The following MAGED1 variants were observed in gnomAD, a reference collection of about 807,000 sequenced individuals.
MAGED1 encodes melanoma-associated antigen D1.
In MAGED1, 3 loss-of-function variants were observed where a neutral mutation model predicts 54.1. That is an observed-to-expected ratio of 0.06 (90% CI 0.03 to 0.14). The LOEUF (loss-of-function observed/expected upper bound fraction) is 0.14. Ranked by LOEUF, MAGED1 falls within the 10% of genes least tolerant of loss-of-function variation. The pLI is 1.00. For missense variants in MAGED1, 485 were observed against 623.4 expected (o/e 0.78, Z 2.36); for synonymous variants, 217 against 227.3 (o/e 0.95, Z 0.41).
intron 1 of MAGED1, among the ~76,000 whole-genome samples, chrX:51,806,661 T>G (rs1557355118): frequency 8.9e-6 from 1 of 112,098 alleles, no homozygotes; most frequent in African/African-American, 3.2e-5. Flanking sequence ...TGGTGATATA[T>G]TCACACATTT....
At position 51,883,185 on chromosome X, in the gene MAGED1, T is replaced by C. The variant is rs1259978438; in HGVS notation, c.-36-11084T>C. Among the ~76,000 whole-genome samples, 3 of 111,179 alleles carry C rather than the reference T, an allele frequency of 2.7e-5. No individual in the cohort carries two copies. In the East Asian group the frequency reaches 8.5e-4, roughly 32 times the overall value. ...TCTAGTCCCCTCAGTTAGTAGAGAC[T>C]ATGTGGGGAGCCTAGATTTCCACCC... On this transcript the variant is annotated intron_variant, in intron 1 of 12. Coordinates refer to the MAGED1 transcript ENST00000375772.
At chrX:51,832,293 G>C (rs1385509247) in intron 1 of MAGED1, among the ~76,000 whole-genome samples, 1 of 111,684 alleles carries the variant, frequency 9.0e-6, no homozygotes, top group Admixed American at 9.5e-5. Context: ...GCCTCCCAAA[G>C]TCCTGGGATT....
intron 1 of MAGED1, chrX:51,857,729 T>G (rs146123764): frequency 1.8e-5 from 2 of 112,630 alleles, no homozygotes; most frequent in African/African-American, 3.2e-5. Flanking sequence ...ATCTGCAGAT[T>G]CATAGTGGAC....
At chrX:51,814,309 T>G (rs781804047) in intron 1 of MAGED1, among the ~76,000 whole-genome samples, 1 of 111,771 alleles carries the variant, frequency 8.9e-6, no homozygotes, top group East Asian at 2.8e-4. Context: ...CCGCTGCCGC[T>G]GCCACTGCCG....
intron 1 of MAGED1, among the ~76,000 whole-genome samples, chrX:51,864,606 T>G (rs1358212180): frequency 8.9e-6 from 1 of 111,872 alleles, no homozygotes; most frequent in Non-Finnish European, 1.9e-5. Flanking sequence ...CTTTTCAATT[T>G]ATTTGTGTCT....
chrX:51,880,974 G>A (rs1251569650), intron 1 of MAGED1, among the ~76,000 whole-genome samples: 3 of 109,542 alleles, frequency 2.7e-5, no homozygotes, highest in East Asian at 2.9e-4. Context: ...TAGTCAGTTC[G>A]GGCTGCTGTA....
chrX:51,837,627 A>G (rs1420649154), intron 1 of MAGED1, among the ~76,000 whole-genome samples: 3 of 112,608 alleles, frequency 2.7e-5, no homozygotes, highest in African/African-American at 6.4e-5. Flanking sequence ...TTAACTGTCA[A>G]ACAACATTTA....
chrX:51,823,984 A>G (rs1395654246), intron 1 of MAGED1, among the ~76,000 whole-genome samples: 1 of 111,930 alleles, frequency 8.9e-6, no homozygotes, highest in Admixed American at 9.5e-5. Flanking sequence ...ACGTAGATTT[A>G]TAATTATTGT....
chrX:51,862,744 G>A (rs1557360785), intron 1 of MAGED1, among the ~76,000 whole-genome samples: 1 of 111,293 alleles, frequency 9.0e-6, no homozygotes, highest in African/African-American at 3.3e-5. Flanking sequence ...AGTGAATGAG[G>A]TCATGAAATT....
At chrX:51,866,649 A>G (rs1234341759) in intron 1 of MAGED1, among the ~76,000 whole-genome samples, 2 of 112,442 alleles carry the variant, frequency 1.8e-5, no homozygotes, top group Admixed American at 9.4e-5. Context: ...ATGTAATTCT[A>G]CATAACCTGT....
At chrX:51,828,231 T>C (rs1925928074) in intron 1 of MAGED1, among the ~76,000 whole-genome samples, 1 of 111,384 alleles carries the variant, frequency 9.0e-6, no homozygotes, top group African/African-American at 3.3e-5. Context: ...GCTTCCTGTG[T>C]AGTGTAGGTA....
chrX:51,858,276 G>A (rs1557360375), intron 1 of MAGED1, among the ~76,000 whole-genome samples: 2 of 111,653 alleles, frequency 1.8e-5, no homozygotes, highest in African/African-American at 6.5e-5. Context: ...GAGTCCTAGA[G>A]AGTTTAATTG....
intron 1 of MAGED1, among the ~76,000 whole-genome samples, chrX:51,887,654 C>G (rs980598653): frequency 1.8e-5 from 2 of 109,893 alleles, no homozygotes; most frequent in African/African-American, 6.6e-5. Context: ...CCCCCTGCCC[C>G]CTCCCCGCTG....
chrX:51,842,710 G>A (rs1926539971), intron 1 of MAGED1, among the ~76,000 whole-genome samples: 1 of 110,957 alleles, frequency 9.0e-6, no homozygotes, highest in Non-Finnish European at 1.9e-5. Context: ...TTATAAGATG[G>A]GGTATCACTC....
intron 3 of MAGED1, 74 bp downstream of exon 3, chrX:51,895,834 A>G: frequency 1.2e-6 from 1 of 827,470 alleles, no homozygotes; most frequent in Admixed American, 3.3e-5. Flanking sequence ...TTTGTTCTAA[A>G]CAAAACAATG....
chrX:51,812,232 T>C (rs1557355587), intron 1 of MAGED1, among the ~76,000 whole-genome samples: 1 of 111,272 alleles, frequency 9.0e-6, no homozygotes, highest in African/African-American at 3.3e-5. Flanking sequence ...AAAAAAGCTG[T>C]GAGTGGGACC....
intron 11 of MAGED1, 95 bp from the exon 12 acceptor site, chrX:51,901,458 T>C: frequency 1.2e-6 from 1 of 809,700 alleles, no homozygotes; most frequent in Non-Finnish European, 1.7e-6. Flanking sequence ...TATCACATTG[T>C]CCTTATCCAT....
chrX:51,871,519 G>A (rs781797244), intron 1 of MAGED1, among the ~76,000 whole-genome samples: 4 of 110,208 alleles, frequency 3.6e-5, no homozygotes, highest in East Asian at 2.9e-4. Context: ...GAGAATATGC[G>A]GTGTTTGGTT....
Position 51,897,964 on chromosome X carries a change from C to T in MAGED1, c.1658+78C>T, listed in dbSNP as rs1306705933. ...TAGGAGTTTCACGTAGATCAGGGTCCAGGGTTCAGGGTCACATAGCAGGTC... is the reference window on the plus strand; with the variant it reads ...TAGGAGTTTCACGTAGATCAGGGTCTAGGGTTCAGGGTCACATAGCAGGTC... On this transcript the variant is annotated intron_variant, in intron 7 of 12. Coordinates refer to ENST00000326587, the MANE Select transcript of MAGED1 (RefSeq NM_006986.4). 43 of 904,802 alleles carry T rather than the reference C, an allele frequency of 4.8e-5. No homozygotes were observed. In the African/African-American group the frequency reaches 7.5e-4, roughly 16 times the overall value. 74.6% of individuals were successfully genotyped at this position (904,802 alleles called of 1,213,427 possible). A position where few individuals can be genotyped will look rare whatever the true frequency, so the allele number is the denominator to read the frequency against.
Sources: allele counts gnomAD v4.1 joint callset (sites outside exome capture counted in the v4.1 genomes callset), GRCh38; gene constraint gnomAD v4.1.1; transcripts MANE v1.5; gene names NCBI Gene and HGNC (gene_info 2026-07-23, HGNC 2026-07-21).